Variants in ZNF469 observed in about 807,000 individuals in gnomAD.
ZNF469 encodes zinc finger protein 469.
In ZNF469, 1 loss-of-function variant was observed where a neutral mutation model predicts 1.0. That is an observed-to-expected ratio of 1.00 (90% CI 0.35 to 4.73). ZNF469 has a LOEUF of 4.73. Among genes scored for constraint, ZNF469 ranks in the 30% most tolerant of loss-of-function variants. The pLI, the probability that ZNF469 is intolerant of heterozygous loss-of-function variation, is 0.16. For synonymous variants in ZNF469, 2,703 were observed against 2,363.4 expected (o/e 1.14, Z -4.17); for missense variants, 6,100 against 5,356.3 (o/e 1.14, Z -4.33).
the ZNF469 span, among the ~76,000 whole-genome samples, chr16:88,262,729 TG>T: frequency 6.6e-6 from 1 of 152,066 alleles, no homozygotes; most frequent in Non-Finnish European, 1.5e-5. This position sits in a 1 kb window ranked among gnomAD's most constrained non-coding sequence, Gnocchi z 4.3. Flanking sequence ...GGCTTGATGC[TG>T]GGCAGGGCCA....
the ZNF469 span, among the ~76,000 whole-genome samples, chr16:88,329,670 A>T: frequency 1.3e-5 from 2 of 152,238 alleles, no homozygotes; most frequent in Non-Finnish European, 2.9e-5. Context: ...ACTGACAGGG[A>T]ATTGGTCCTC....
the ZNF469 span, among the ~76,000 whole-genome samples, chr16:88,212,151 T>C: frequency 6.6e-6 from 1 of 152,366 alleles, no homozygotes; most frequent in South Asian, 2.1e-4. Context: ...CATTTTTTTT[T>C]CTTCATCTTT....
At chr16:88,218,538 G>T in the ZNF469 span, among the ~76,000 whole-genome samples, 1 of 152,120 alleles carries the variant, frequency 6.6e-6, no homozygotes, top group African/African-American at 2.4e-5. Flanking sequence ...CTCAATAGAC[G>T]CAGAAAAAGC....
chr16:88,180,758 A>AGT, the ZNF469 span, among the ~76,000 whole-genome samples: 151,668 of 152,246 alleles, frequency 1, 75,549 homozygotes, highest in Middle Eastern at 1. Flanking sequence ...TGGGTGACAG[A>AGT]GAGACTCTGT....
chr16:88,118,319 C>A, the ZNF469 span, among the ~76,000 whole-genome samples: 2 of 152,330 alleles, frequency 1.3e-5, no homozygotes, highest in East Asian at 3.9e-4. Context: ...TAGAATTCTT[C>A]GCAGTGTTCT....
the ZNF469 span, among the ~76,000 whole-genome samples, chr16:88,355,233 A>G: frequency 6.6e-6 from 1 of 152,138 alleles, no homozygotes; most frequent in Non-Finnish European, 1.5e-5. Flanking sequence ...CTGAACACCC[A>G]TGGCTGGAGG....
Position 88,437,206 on chromosome 16 carries a change from G to C in ZNF469, c.9736G>C (p.Gly3246Arg). 1 of 1,549,486 alleles carries C rather than the reference G, an allele frequency of 6.5e-7. No individual in the cohort carries two copies. Among genetic ancestry groups the C allele is most frequent in the Non-Finnish European group, 8.7e-7 (1 of 1,146,546 alleles). Residue 3246 changes from glycine to arginine, a missense_variant, in exon 3 of 3, where the codon GGC (glycine) becomes CGC (arginine). Coordinates refer to ENST00000565624, the MANE Select transcript of ZNF469 (RefSeq NM_001367624.2). Reference sequence around the variant, plus strand: ...ACACCACAGGGGCAAGCGCTCCGCCGGCAAGGCCGCCGGGAGCCCGGGAGA... The same window carrying C: ...ACACCACAGGGGCAAGCGCTCCGCCCGCAAGGCCGCCGGGAGCCCGGGAGA... The part of the protein sequence containing the change: ...PKHHRGKRSA[G>R]KAAGSPGDPW...
the ZNF469 span, among the ~76,000 whole-genome samples, chr16:88,204,178 G>A: frequency 1.3e-5 from 2 of 150,534 alleles, no homozygotes; most frequent in African/African-American, 4.9e-5. Flanking sequence ...TAACCCCACA[G>A]AGCAGCCGGA....
chr16:88,177,026 G>A, the ZNF469 span, among the ~76,000 whole-genome samples: 1 of 152,264 alleles, frequency 6.6e-6, no homozygotes, highest in Admixed American at 6.5e-5. This position sits in a 1 kb window ranked among gnomAD's most constrained non-coding sequence, Gnocchi z 4.8. Context: ...GAAACCTCGA[G>A]GCAAAGGAGA....
At chr16:88,180,341 A>T in the ZNF469 span, among the ~76,000 whole-genome samples, 3 of 152,206 alleles carry the variant, frequency 2.0e-5, no homozygotes, top group Non-Finnish European at 2.9e-5. Flanking sequence ...ACATAAGTGG[A>T]TTGAAGGTAA....
Position 88,431,914 on chromosome 16 carries a change from T to C in ZNF469, c.4444T>C (p.Phe1482Leu), listed in dbSNP as rs1272824671. ...TGCGAACAGGGACTCCGGTCTGCCG[T>C]TCGCATGTGCCGACCCTCCCCAGAA... ...LSANRDSGLP[F>L]ACADPPQKTV... Residue 1482 changes from phenylalanine to leucine, a missense_variant, in exon 3 of 3, where the codon TTC becomes CTC. Physicochemically the swap from Phe to Leu is conservative, Grantham distance 22 (BLOSUM62 0). Transcript: ENST00000565624. The C allele has an allele frequency of 1.3e-6, 2 of 1,549,630 alleles. No individual in the cohort carries two copies.
chr16:88,318,413 G>A, the ZNF469 span, among the ~76,000 whole-genome samples: 5 of 140,108 alleles, frequency 3.6e-5, no homozygotes, highest in South Asian at 4.3e-4. Flanking sequence ...AAGAGCCAGC[G>A]GTGTCCTCTG....
the ZNF469 span, among the ~76,000 whole-genome samples, chr16:88,146,190 G>A: frequency 9.9e-5 from 15 of 152,112 alleles, no homozygotes; most frequent in Admixed American, 5.2e-4. Flanking sequence ...GCGGCACCAC[G>A]ACCCACCCGG....
the ZNF469 span, among the ~76,000 whole-genome samples, chr16:88,182,513 A>C: frequency 1.3e-5 from 2 of 151,998 alleles, no homozygotes; most frequent in African/African-American, 4.8e-5. Flanking sequence ...TGTAATCAAA[A>C]CAGTGTGATA....
the ZNF469 span, among the ~76,000 whole-genome samples, chr16:88,132,816 G>A: frequency 6.6e-6 from 1 of 152,200 alleles, no homozygotes; most frequent in African/African-American, 2.4e-5. Context: ...AGAGGTGGAG[G>A]CCTCCGCACA....
intron 1 of ZNF469, among the ~76,000 whole-genome samples, chr16:88,421,327 C>T (rs1047581606): frequency 2.0e-5 from 3 of 152,308 alleles, no homozygotes; most frequent in South Asian, 2.1e-4. Flanking sequence ...CGTGCTCCTC[C>T]GGGGTCTCCC....
the ZNF469 span, among the ~76,000 whole-genome samples, chr16:88,359,160 C>G: frequency 6.6e-6 from 1 of 152,074 alleles, no homozygotes; most frequent in African/African-American, 2.4e-5. Context: ...GGCTCGGTAT[C>G]CTGCCTGCAT....
intron 1 of ZNF469, among the ~76,000 whole-genome samples, chr16:88,395,089 C>T (rs759173575): frequency 1.1e-4 from 17 of 152,226 alleles, no homozygotes; most frequent in Non-Finnish European, 2.2e-4. Context: ...CCCCAGGGAC[C>T]CTTCTACTTT....
At chr16:88,208,325 A>G in the ZNF469 span, among the ~76,000 whole-genome samples, 8 of 150,950 alleles carry the variant, frequency 5.3e-5, no homozygotes, top group Admixed American at 3.9e-4. Context: ...ACGTGCCGCA[A>G]TCTGGAACTT....
Sources: gnomAD v4.1 joint callset for allele counts (sites outside exome capture counted in the v4.1 genomes callset) on GRCh38, gnomAD v4.1.1 for gene constraint, Gnocchi (gnomAD v3.1) non-coding constraint, MANE v1.5 for transcripts, NCBI Gene and HGNC (gene_info 2026-07-23, HGNC 2026-07-21) for gene names.